The following TSEN15 variants were observed in gnomAD, a reference collection of about 807,000 sequenced individuals.
The protein encoded by TSEN15 is tRNA-splicing endonuclease subunit Sen15.
TSEN15 carries 10 observed loss-of-function variants against 20.5 expected under a neutral mutation model. The observed-to-expected ratio is 0.49, with a 90% CI of 0.30 to 0.83. The LOEUF (loss-of-function observed/expected upper bound fraction) is 0.83. TSEN15 is among the 40% of genes least tolerant of loss of function. The pLI, the probability that TSEN15 is intolerant of heterozygous loss-of-function variation, is 0.06. For synonymous variants in TSEN15, 72 were observed against 80.1 expected, an observed-to-expected ratio of 0.90 and a Z score of 0.54; for missense variants, 180 against 218.6, an observed-to-expected ratio of 0.82 and a Z score of 1.11.
chr1:184,091,224 A>C (rs893126762), intron 3 of TSEN15, among the ~76,000 whole-genome samples: 3 of 152,094 alleles, frequency 2.0e-5, no homozygotes, highest in Non-Finnish European at 4.4e-5. Context: ...AAGGGGCTTA[A>C]GTGTGATGCA....
chr1:184,082,529 TGCTGGC>T (rs1272889337), intron 3 of TSEN15, among the ~76,000 whole-genome samples: 1 of 152,046 alleles, frequency 6.6e-6, no homozygotes, highest in Non-Finnish European at 1.5e-5. Context: ...TAGGAGTGGG[TGCTGGC>T]CATATTCCCT....
chr1:184,081,780 A>G (rs1386346555), intron 3 of TSEN15, among the ~76,000 whole-genome samples: 1 of 152,156 alleles, frequency 6.6e-6, no homozygotes, highest in Admixed American at 6.5e-5. Flanking sequence ...GTTGGGAAAC[A>G]GGCCACCTAG....
intron 3 of TSEN15, among the ~76,000 whole-genome samples, chr1:184,091,100 T>C (rs1239181624): frequency 1.3e-5 from 2 of 152,132 alleles, no homozygotes; most frequent in East Asian, 3.8e-4. Flanking sequence ...AGTACCACTC[T>C]GGCTGGTCGG....
At chr1:184,066,937 T>C (rs1332910587) in intron 3 of TSEN15, among the ~76,000 whole-genome samples, 1 of 152,178 alleles carries the variant, frequency 6.6e-6, no homozygotes. Flanking sequence ...TCCTATGATT[T>C]CTTTCATCAG....
chr1:184,064,769 A>AG (rs1650586069), intron 3 of TSEN15, among the ~76,000 whole-genome samples: 1 of 152,222 alleles, frequency 6.6e-6, no homozygotes, highest in African/African-American at 2.4e-5. Context: ...TACCAATTAC[A>AG]ATGTGCAAAT....
chr1:184,056,992 C>T (rs1261336635), intron 3 of TSEN15, among the ~76,000 whole-genome samples: 1 of 152,116 alleles, frequency 6.6e-6, no homozygotes, highest in African/African-American at 2.4e-5. Context: ...GGTATTCACT[C>T]CCTTATGTAA....
At chr1:184,088,224 G>A (rs1019842737) in intron 3 of TSEN15, among the ~76,000 whole-genome samples, 4 of 152,104 alleles carry the variant, frequency 2.6e-5, no homozygotes, top group African/African-American at 9.7e-5. Flanking sequence ...GCCACACTGC[G>A]GAGTTATCTT....
chr1:184,060,136 T>C lies in TSEN15; in HGVS notation c.353+5273T>C, dbSNP rs191026260. Among the ~76,000 whole-genome samples the C allele has an allele frequency of 5.2e-4, 79 of 152,356 alleles. 1 individual carries two copies. Among genetic ancestry groups the C allele is most frequent in the Admixed American group, 2.2e-3 (34 of 15,310 alleles). ...TTTGTAAATGAAGGAATTACAAATATAAAATGTGTTTGTGTTGTCTTAACT... is the reference window on the plus strand; with the variant it reads ...TTTGTAAATGAAGGAATTACAAATACAAAATGTGTTTGTGTTGTCTTAACT... On this transcript the variant is annotated intron_variant, in intron 3 of 4. Transcript: ENST00000645668.
rs78802473 is a variant in TSEN15 at position 184,081,824 on chromosome 1, G to T, written c.354-13866G>T. ...TTCCCACTTCATGGCTCGGGTTCTG[G>T]AGATCAGAAAGAAGATCTTGTATGG... is the stretch of plus-strand genomic sequence containing the variant. On this transcript the variant is annotated intron_variant, in intron 3 of 3. Coordinates refer to the TSEN15 transcript ENST00000643231. Among the ~76,000 whole-genome samples the T allele has an allele frequency of 2.2e-4, 33 of 152,224 alleles. No homozygotes were observed. The East Asian group carries it at 5.4e-3, about 25-fold the overall frequency.
chr1:184,090,091 A>T (rs182578346), intron 3 of TSEN15, among the ~76,000 whole-genome samples: 2 of 152,324 alleles, frequency 1.3e-5, no homozygotes, highest in East Asian at 3.9e-4. Context: ...CAATGGGTAA[A>T]TGTATAAACA....
chr1:184,095,111 C>G, intron 3 of TSEN15: 1 of 398,686 alleles, frequency 2.5e-6, no homozygotes, highest in Non-Finnish European at 4.4e-6. Flanking sequence ...CTTTTTGTCT[C>G]TCTCTCTCCC....
At chr1:184,072,678 C>T in intron 4 of TSEN15, 149 bp from the exon 5 acceptor site, 1 of 697,704 alleles carries the variant, frequency 1.4e-6, no homozygotes, top group Non-Finnish European at 2.4e-6. Flanking sequence ...TTGACAGGAA[C>T]ATTTTAATAA....
intron 3 of TSEN15, among the ~76,000 whole-genome samples, chr1:184,062,432 A>G (rs911667329): frequency 6.6e-6 from 1 of 152,120 alleles, no homozygotes; most frequent in Non-Finnish European, 1.5e-5. Context: ...AGATGAGACA[A>G]CAAGAGGAAT....
intron 3 of TSEN15, among the ~76,000 whole-genome samples, chr1:184,089,124 C>T (rs1440466252): frequency 6.6e-6 from 1 of 152,090 alleles, no homozygotes; most frequent in Non-Finnish European, 1.5e-5. Flanking sequence ...GTGAAGTTTC[C>T]CCACTTTTAA....
chr1:184,058,321 AC>A, intron 3 of TSEN15: 1 of 282,184 alleles, frequency 3.5e-6, no homozygotes, highest in Non-Finnish European at 6.9e-6. Flanking sequence ...AATATTCTTA[AC>A]TATATTATAC....
chr1:184,085,342 G>T (rs979646451), intron 3 of TSEN15, among the ~76,000 whole-genome samples: 2 of 152,202 alleles, frequency 1.3e-5, no homozygotes, highest in Non-Finnish European at 2.9e-5. Context: ...GTATAAGCAT[G>T]CCTATATTAC....
downstream of TSEN15, among the ~76,000 whole-genome samples, chr1:184,077,245 G>A (rs146180506): frequency 5.0e-4 from 76 of 152,164 alleles, no homozygotes; most frequent in African/African-American, 1.8e-3. Flanking sequence ...TAAGAATTAC[G>A]CCCAATCTAC....
intron 3 of TSEN15, among the ~76,000 whole-genome samples, chr1:184,083,717 G>A (rs923491051): frequency 3.3e-5 from 5 of 152,014 alleles, no homozygotes; most frequent in Non-Finnish European, 7.4e-5. Flanking sequence ...TTTCTGGATT[G>A]TACATTCTCT....
chr1:184,083,593 A>G (rs1357791417), intron 3 of TSEN15, among the ~76,000 whole-genome samples: 1 of 152,168 alleles, frequency 6.6e-6, no homozygotes, highest in Non-Finnish European at 1.5e-5. Context: ...ATGACCACAG[A>G]TGGGGATGCT....
Sources: allele counts gnomAD v4.1 joint callset (sites outside exome capture counted in the v4.1 genomes callset), GRCh38; gene constraint gnomAD v4.1.1; transcripts MANE v1.5; gene names NCBI Gene and HGNC (gene_info 2026-07-23, HGNC 2026-07-21).